TTC31: variants seen among roughly 807,000 people sequenced by gnomAD.
The protein encoded by TTC31 is tetratricopeptide repeat protein 31.
A neutral mutation model predicts 60.4 loss-of-function variants in TTC31; 59 were observed. The observed-to-expected ratio is 0.98, with a 90% CI of 0.79 to 1.21. The LOEUF (loss-of-function observed/expected upper bound fraction) is 1.21. Among genes scored for constraint, TTC31 ranks in the 50% most tolerant of loss-of-function variants. The pLI is 0.00. For synonymous variants in TTC31, 225 were observed against 249.6 expected (o/e 0.90, Z 0.93); for missense variants, 672 against 646.9 (o/e 1.04, Z -0.42).
intron 2 of TTC31, among the ~76,000 whole-genome samples, chr2:74,489,531 G>T (rs567647138): frequency 6.6e-6 from 1 of 152,366 alleles, no homozygotes; most frequent in Admixed American, 6.5e-5. Flanking sequence ...GGATGTCCCT[G>T]AGTAGGGAAG....
rs1156526924 is a variant in TTC31 at position 74,493,549 on chromosome 2, T to C, written c.*331T>C. On this transcript the variant is annotated 3_prime_UTR_variant, in exon 13 of 13. Transcript: ENST00000233623. ...AAGCATCTGGGCCTTTCTCTTCCTC[T>C]TGGTCCAGGGGACCTCATTCACCAA... 1 of 236,206 alleles carries C rather than the reference T, an allele frequency of 4.2e-6. No individual in the cohort carries two copies. The highest frequency in any genetic ancestry group is 8.3e-6 in the Non-Finnish European group (1 of 121,080). 14.6% of individuals were successfully genotyped at this position (236,206 alleles called of 1,614,324 possible). A position where few individuals can be genotyped will look rare whatever the true frequency, so the allele number is the denominator to read the frequency against.
In TTC31 at chr2:74,490,429, C is replaced by T. The variant is rs1673710808; in HGVS notation, c.418C>T (p.Leu140=). Residue 140 remains leucine (L), a synonymous_variant, in exon 4 of 13, where the codon CTG becomes TTG. Transcript: ENST00000233623. ...SATFPSVSDS[L]LQVAMPQKLL... ...CACCTTCCCCAGTGTCTCAGACAGC[C>T]TGCTTCAGGTGGCCATGCCCCAGAA... 6.2e-7 allele frequency: 1 copy of T among 1,613,654 alleles called. No homozygotes were observed. Among genetic ancestry groups the T allele is most frequent in the Non-Finnish European group, 8.5e-7 (1 of 1,179,822 alleles).
At chr2:74,487,376 A>G (rs538275417) in intron 2 of TTC31, among the ~76,000 whole-genome samples, 1 of 151,874 alleles carries the variant, frequency 6.6e-6, no homozygotes, top group Non-Finnish European at 1.5e-5. Context: ...GTGCCACCAC[A>G]CCTGCTTAAT....
chr2:74,491,589 A>C lies in TTC31; in HGVS notation c.793A>C (p.Arg265=). The change falls in exon 8 of 13, where the codon AGG becomes CGG. Residue 265 remains arginine (R), a synonymous_variant. Coordinates refer to ENST00000233623, the MANE Select transcript of TTC31 (RefSeq NM_022492.6). ...EKGLNQEPQG[R]GLALQKMGQE... is the part of the protein sequence containing the mutation. ...GGGACTGAACCAGGAGCCCCAAGGC[A>C]GGGGTCTGGCCCTCCAGAAGATGGG... 1.2e-6 allele frequency: 2 copies of C among 1,614,244 alleles called. No homozygotes were observed. Among genetic ancestry groups the C allele is most frequent in the Non-Finnish European group, 1.7e-6 (2 of 1,180,040 alleles).
chr2:74,488,924 C>T (rs1436211206), intron 2 of TTC31, among the ~76,000 whole-genome samples: 4 of 152,136 alleles, frequency 2.6e-5, no homozygotes, highest in East Asian at 1.9e-4. Context: ...GGTATTGTGG[C>T]GTGTGCCTGT....
In TTC31 at chr2:74,493,322, T is replaced by A; in HGVS notation, c.*104T>A. 8.2e-7 allele frequency: 1 copy of A among 1,218,204 alleles called. No homozygotes were observed. Among genetic ancestry groups the A allele is most frequent in the Non-Finnish European group, 1.1e-6 (1 of 883,740 alleles). The allele number at this position is 1,218,204 out of a possible 1,614,324, so 75.5% of individuals were successfully genotyped here. A position where few individuals can be genotyped will look rare whatever the true frequency, so the allele number is the denominator to read the frequency against. On this transcript the variant is annotated 3_prime_UTR_variant, in exon 13 of 13. Coordinates refer to ENST00000233623, the MANE Select transcript of TTC31 (RefSeq NM_022492.6). Reference sequence around the variant, plus strand: ...ATATTTTGAGACCTTATTCTCTAGATCCATAGTTAATGATGCCCTGGCAGT... The same window carrying A: ...ATATTTTGAGACCTTATTCTCTAGAACCATAGTTAATGATGCCCTGGCAGT...
Position 74,491,140 on chromosome 2 carries a change from C to G in TTC31, c.559C>G (p.Arg187Gly). The change falls in exon 6 of 13, where the codon CGG (arginine) becomes GGG (glycine). Residue 187 changes from arginine to glycine, a missense_variant. Coordinates refer to ENST00000233623, the MANE Select transcript of TTC31 (RefSeq NM_022492.6). ...ATTACTATTGCAGCGTCAAAAGGAA[C>G]GGAAGCGACAGGAGCGTTTGGAGCA... is the stretch of plus-strand genomic sequence containing the variant. ...KRLKKKRQKE[R>G]KRQERLEQYC... The G allele has an allele frequency of 6.2e-7, 1 of 1,614,154 alleles. No individual in the cohort carries two copies. Among genetic ancestry groups the G allele is most frequent in the Non-Finnish European group, 8.5e-7 (1 of 1,180,040 alleles).
intron 2 of TTC31, among the ~76,000 whole-genome samples, chr2:74,484,034 G>A (rs1285474366): frequency 1.3e-5 from 2 of 151,656 alleles, no homozygotes; most frequent in Non-Finnish European, 1.5e-5. Context: ...TCGGGAGTTC[G>A]AGACCAGCCT....
intron 2 of TTC31, among the ~76,000 whole-genome samples, chr2:74,486,972 G>A (rs1362775963): frequency 1.3e-5 from 2 of 152,074 alleles, no homozygotes; most frequent in African/African-American, 4.8e-5. Flanking sequence ...AAAGGACGAA[G>A]GAGTGAGCTG....
Position 74,492,196 on chromosome 2 carries a change from C to A in TTC31, c.986C>A (p.Thr329Asn). ...TACCATGAGGCCGTGGTCCTCTTCACCCAGGCCTTGAAGCTCAACCCCCAG... is the reference window on the plus strand; with the variant it reads ...TACCATGAGGCCGTGGTCCTCTTCAACCAGGCCTTGAAGCTCAACCCCCAG... ...GFYHEAVVLF[T>N]QALKLNPQDH... The change falls in exon 10 of 13, where the codon ACC becomes AAC. Residue 329 changes from threonine to asparagine, a missense_variant. Coordinates refer to ENST00000233623, the MANE Select transcript of TTC31 (RefSeq NM_022492.6). 6.2e-7 allele frequency: 1 copy of A among 1,614,256 alleles called. No individual in the cohort carries two copies. Among genetic ancestry groups the A allele is most frequent in the Non-Finnish European group, 8.5e-7 (1 of 1,180,048 alleles).
rs756931988 is a variant in TTC31, at chr2:74,493,026, C to A, written c.1368C>A (p.Cys456Ter). ...LAPSGLPSLRCPRSTALRSPG... is the reference protein window; with the variant it reads ...LAPSGLPSLR ...CCTCAGGCCTACCTTCCCTCAGGTG[C>A]CCTCGAAGCACTGCTTTGAGGTCCC... Residue 456 changes from cysteine to a stop codon, truncating the protein, a stop_gained, in exon 13 of 13, where the codon TGC becomes TGA. Coordinates refer to ENST00000233623, the MANE Select transcript of TTC31 (RefSeq NM_022492.6). LOFTEE classifies it low-confidence loss of function (END_TRUNC). 6.2e-7 allele frequency: 1 copy of A among 1,614,176 alleles called. No homozygotes were observed. The highest frequency in any genetic ancestry group is 8.5e-7 in the Non-Finnish European group (1 of 1,180,018).
intron 3 of TTC31, 48 bp downstream of exon 3, chr2:74,490,175 G>A (rs761076050): frequency 6.2e-7 from 1 of 1,611,752 alleles, no homozygotes. Context: ...GGTACCCTGG[G>A]AGGGCTGACC....
intron 2 of TTC31, among the ~76,000 whole-genome samples, chr2:74,486,262 C>T (rs1286322131): frequency 6.7e-6 from 1 of 149,896 alleles, no homozygotes; most frequent in Admixed American, 6.6e-5. Context: ...TAGACTCCGT[C>T]TCAAAAAAAA....
At chr2:74,484,003 AG>A (rs200705844) in intron 2 of TTC31, among the ~76,000 whole-genome samples, 1 of 150,844 alleles carries the variant, frequency 6.6e-6, no homozygotes, top group African/African-American at 2.4e-5. Flanking sequence ...TGGGAGGCCT[AG>A]GGGGGCGGAT....
At chr2:74,490,814 A>T in intron 5 of TTC31, 75 bp downstream of exon 5, 5 of 1,457,788 alleles carry the variant, frequency 3.4e-6, no homozygotes, top group Middle Eastern at 4.5e-4. Context: ...CTTTGTGGGA[A>T]CAGGAGAGAG....
In TTC31 at chr2:74,492,046, G is replaced by T. The variant is rs1180296770; in HGVS notation, c.919G>T (p.Glu307Ter). 6.2e-7 allele frequency: 1 copy of T among 1,614,210 alleles called. No individual in the cohort carries two copies. Among genetic ancestry groups the T allele is most frequent in the Non-Finnish European group, 8.5e-7 (1 of 1,180,036 alleles). Residue 307 changes from glutamate (E) to a stop codon, truncating the protein, a stop_gained, in exon 9 of 13, where the codon GAA becomes TAA. Transcript: ENST00000233623. LOFTEE classifies it high-confidence loss of function. Reference protein sequence around the residue: ...LLAAALQQSQELAKLGTSFAQ... With the variant: ...LLAAALQQSQ ...GGCAGCTGCCTTACAACAGAGCCAG[G>T]AACTGGCAAGTGAGATCCTTTCTCT...
chr2:74,490,525 T>C lies in TTC31; in HGVS notation c.462+52T>C, dbSNP rs374548911. On this transcript the variant is annotated intron_variant, in intron 4 of 12. Transcript: ENST00000233623. ...CGTCCCCCAGGGTTCTTTCAATCCC[T>C]GTATCCCCATCCCTATATTCTCCCC... 2,409 of 1,542,604 alleles carry C rather than the reference T, an allele frequency of 1.6e-3. 4 individuals are homozygous for C. The highest frequency in any genetic ancestry group is 6.0e-3 in the African/African-American group (441 of 72,968).
At chr2:74,489,988 C>T in intron 2 of TTC31, 37 bp from the exon 3 acceptor site, 1 of 1,455,922 alleles carries the variant, frequency 6.9e-7, no homozygotes, top group Non-Finnish European at 9.4e-7. Flanking sequence ...GAACTGCCCC[C>T]AACACCAGCC....
In TTC31 at chr2:74,493,629, C is replaced by T. The variant is rs1024514294; in HGVS notation, c.*411C>T. 1 of 165,700 alleles carries T rather than the reference C, an allele frequency of 6.0e-6. No individual in the cohort carries two copies. Among genetic ancestry groups the T allele is most frequent in the Admixed American group, 6.0e-5 (1 of 16,704 alleles). 10.3% of individuals were successfully genotyped at this position (165,700 alleles called of 1,614,324 possible). On this transcript the variant is annotated 3_prime_UTR_variant, in exon 13 of 13. Transcript: ENST00000233623. The stretch of plus-strand genomic sequence containing the variant: ...CAGTGCTGAGGGGGCTTGAGTCCCA[C>T]CTTTCAGCTTGATGGATGCTCACCT...
Sources: gnomAD v4.1 joint callset for allele counts (sites outside exome capture counted in the v4.1 genomes callset) on GRCh38, gnomAD v4.1.1 for gene constraint, MANE v1.5 for transcripts, NCBI Gene and HGNC (gene_info 2026-07-23, HGNC 2026-07-21) for gene names.